The following DLGAP2 variants were observed in gnomAD, a reference collection of about 807,000 sequenced individuals.
DLGAP2 encodes the protein DLG associated protein 2.
DLGAP2 carries 26 observed loss-of-function variants against 100.3 expected under a neutral mutation model. That is an observed-to-expected ratio of 0.26 (90% CI 0.19 to 0.36). The LOEUF (loss-of-function observed/expected upper bound fraction) is 0.36, where lower values mean the gene tolerates loss of function less well. DLGAP2 is among the 10% of genes least tolerant of loss of function. The pLI is 1.00. For synonymous variants in DLGAP2, 886 were observed against 630.1 expected (o/e 1.41, Z -6.08); for missense variants, 1,858 against 1,453.2 (o/e 1.28, Z -4.53).
chr8:900,334 C>T (rs1479014851), intron 1 of DLGAP2, among the ~76,000 whole-genome samples: 2 of 147,744 alleles, frequency 1.4e-5, no homozygotes, highest in Non-Finnish European at 3.0e-5. Context: ...GTGTCGCTCC[C>T]GGGTGGACGG....
intron 3 of DLGAP2, among the ~76,000 whole-genome samples, chr8:1,493,952 A>T (rs926289595): frequency 2.0e-5 from 3 of 152,226 alleles, no homozygotes; most frequent in African/African-American, 7.2e-5. Context: ...GACTCACAAG[A>T]CTGGTGGGAA....
intron 1 of DLGAP2, among the ~76,000 whole-genome samples, chr8:793,957 A>G (rs1459815773): frequency 1.3e-5 from 2 of 151,918 alleles, no homozygotes; most frequent in South Asian, 2.1e-4. Context: ...ATACGACTCC[A>G]GGCATCTGCT....
intron 3 of DLGAP2, among the ~76,000 whole-genome samples, chr8:1,445,295 C>T (rs867384704): frequency 1.5e-5 from 2 of 134,364 alleles, no homozygotes; most frequent in South Asian, 2.4e-4. Flanking sequence ...GTGTCCAAGT[C>T]TTCTAATTTG....
chr8:1,090,751 A>G (rs1804153904), intron 2 of DLGAP2, among the ~76,000 whole-genome samples: 1 of 152,192 alleles, frequency 6.6e-6, no homozygotes, highest in Non-Finnish European at 1.5e-5. Context: ...TTTATCCTGC[A>G]TAGGTTGTTG....
chr8:1,206,750 C>T (rs13261123), intron 2 of DLGAP2, among the ~76,000 whole-genome samples: 80,741 of 149,264 alleles, frequency 0.54, 24,263 homozygotes, highest in African/African-American at 0.81. Context: ...ACTGGTCTTC[C>T]GGGCCCTGCC....
intron 3 of DLGAP2, among the ~76,000 whole-genome samples, chr8:1,484,647 T>G (rs1799191812): frequency 6.6e-6 from 1 of 152,224 alleles, no homozygotes; most frequent in African/African-American, 2.4e-5. Context: ...GGACAGGAAT[T>G]TCTGGTGAAA....
At chr8:1,377,287 G>A (rs1481639036) in intron 3 of DLGAP2, among the ~76,000 whole-genome samples, 1 of 152,256 alleles carries the variant, frequency 6.6e-6, no homozygotes, top group Non-Finnish European at 1.5e-5. Flanking sequence ...GCTCACGCCT[G>A]TAATCCCAGC....
chr8:1,478,421 G>C (rs534207368), intron 3 of DLGAP2, among the ~76,000 whole-genome samples: 2 of 152,174 alleles, frequency 1.3e-5, no homozygotes, highest in South Asian at 2.1e-4. Flanking sequence ...GGAGCTCCTC[G>C]CGGTGTGAAG....
intron 2 of DLGAP2, among the ~76,000 whole-genome samples, chr8:1,196,346 G>A (rs1264232583): frequency 2.0e-5 from 3 of 152,236 alleles, no homozygotes; most frequent in Non-Finnish European, 4.4e-5. Context: ...TGTTTGGAGT[G>A]TACCTGTCTT....
At chr8:1,516,224 T>A (rs1325695929) in intron 4 of DLGAP2, among the ~76,000 whole-genome samples, 1 of 151,350 alleles carries the variant, frequency 6.6e-6, no homozygotes, top group Non-Finnish European at 1.5e-5. Flanking sequence ...AATGAGTGAG[T>A]GAATGAGTGA....
chr8:1,025,529 C>T (rs1337473923), intron 2 of DLGAP2, among the ~76,000 whole-genome samples: 1 of 152,128 alleles, frequency 6.6e-6, no homozygotes, highest in African/African-American at 2.4e-5. Context: ...ATAGTTAAGT[C>T]AAATGTCTTT....
intron 3 of DLGAP2, among the ~76,000 whole-genome samples, chr8:1,382,388 G>C (rs976055064): frequency 6.6e-6 from 1 of 152,214 alleles, no homozygotes; most frequent in Non-Finnish European, 1.5e-5. Flanking sequence ...GTGGACTCCA[G>C]CAGTTCCAAC....
At chr8:1,450,727 C>T (rs929277302) in intron 3 of DLGAP2, among the ~76,000 whole-genome samples, 6 of 152,200 alleles carry the variant, frequency 3.9e-5, no homozygotes, top group Admixed American at 6.5e-5. Flanking sequence ...GGGGGCCAAG[C>T]GACAGGCACC....
chr8:1,682,130 C>G (rs547496549), intron 12 of DLGAP2, among the ~76,000 whole-genome samples: 2 of 152,216 alleles, frequency 1.3e-5, no homozygotes, highest in Non-Finnish European at 2.9e-5. Context: ...GGGTGTGTCC[C>G]ATCCCTGACC....
chr8:1,320,959 G>A (rs1322094474), intron 3 of DLGAP2, among the ~76,000 whole-genome samples: 1 of 152,204 alleles, frequency 6.6e-6, no homozygotes, highest in Non-Finnish European at 1.5e-5. Context: ...GTGTGTGCAT[G>A]CATCCCTGTG....
intron 2 of DLGAP2, among the ~76,000 whole-genome samples, chr8:948,956 G>C (rs1351854830): frequency 1.3e-5 from 2 of 151,272 alleles, no homozygotes; most frequent in Admixed American, 6.6e-5. Flanking sequence ...AGCAGGGCCC[G>C]TGGGCGTGAC....
intron 6 of DLGAP2, among the ~76,000 whole-genome samples, chr8:1,601,452 G>C (rs944264679): frequency 6.6e-6 from 1 of 152,212 alleles, no homozygotes; most frequent in Non-Finnish European, 1.5e-5. Context: ...AAACGTTTAC[G>C]TCTGCTGAAG....
chr8:1,342,747 C>G (rs1443048568), intron 3 of DLGAP2, among the ~76,000 whole-genome samples: 1 of 152,182 alleles, frequency 6.6e-6, no homozygotes, highest in African/African-American at 2.4e-5. Flanking sequence ...AATTAACAAG[C>G]TTGTGAAATG....
chr8:1,044,641 T>C (rs1359689910), intron 2 of DLGAP2, among the ~76,000 whole-genome samples: 1 of 152,230 alleles, frequency 6.6e-6, no homozygotes, highest in Non-Finnish European at 1.5e-5. Flanking sequence ...TCTCCCATCC[T>C]TTCTCAGTAG....
Sources: gnomAD v4.1 joint callset for allele counts (sites outside exome capture counted in the v4.1 genomes callset) on GRCh38, gnomAD v4.1.1 for gene constraint, MANE v1.5 for transcripts, NCBI Gene and HGNC (gene_info 2026-07-23, HGNC 2026-07-21) for gene names.